Variants in CWC27 observed in about 807,000 individuals in gnomAD.
CWC27 encodes spliceosome-associated protein CWC27 homolog.
In CWC27, 47 loss-of-function variants were observed where a neutral mutation model predicts 63.6. The ratio of observed to expected loss-of-function variants is 0.74; its 90% confidence interval spans 0.58 to 0.94. The LOEUF is 0.94. CWC27 is among the 40% of genes least tolerant of loss of function. The pLI, the probability that CWC27 is intolerant of heterozygous loss-of-function variation, is 0.00. For synonymous variants in CWC27, 175 were observed against 179.8 expected (o/e 0.97, Z 0.22); for missense variants, 495 against 554.3 (o/e 0.89, Z 1.07).
chr5:64,989,519 T>A (rs770974046), intron 13 of CWC27, among the ~76,000 whole-genome samples: 32 of 152,384 alleles, frequency 2.1e-4, no homozygotes, highest in Non-Finnish European at 4.1e-4. Flanking sequence ...TGCCTTGATA[T>A]GGTTCACCAG....
intron 13 of CWC27, among the ~76,000 whole-genome samples, chr5:64,985,236 T>C (rs752202949): frequency 1.3e-5 from 2 of 152,232 alleles, no homozygotes; most frequent in African/African-American, 2.4e-5. Context: ...TTTTCAAAAT[T>C]GCTTTGGCTA....
intron 11 of CWC27, among the ~76,000 whole-genome samples, chr5:64,968,419 A>G (rs1391829770): frequency 6.6e-6 from 1 of 152,142 alleles, no homozygotes; most frequent in Non-Finnish European, 1.5e-5. Flanking sequence ...ATGTTTGCAA[A>G]CAAACTTGTG....
intron 11 of CWC27, among the ~76,000 whole-genome samples, chr5:64,970,442 G>C (rs1311212820): frequency 6.6e-6 from 1 of 152,000 alleles, no homozygotes; most frequent in East Asian, 1.9e-4. Flanking sequence ...TCGATCTTCT[G>C]ACCTCGTGAT....
At chr5:64,797,791 A>G (rs1260217471) in intron 7 of CWC27, among the ~76,000 whole-genome samples, 1 of 152,214 alleles carries the variant, frequency 6.6e-6, no homozygotes, top group Admixed American at 6.5e-5. Context: ...TTAAAAATAT[A>G]TTAACAATGA....
intron 10 of CWC27, among the ~76,000 whole-genome samples, chr5:64,810,790 T>C (rs1744854949): frequency 6.6e-6 from 1 of 152,094 alleles, no homozygotes; most frequent in South Asian, 2.1e-4. Context: ...TTCTGAGGTA[T>C]AGAATAATGT....
intron 13 of CWC27, among the ~76,000 whole-genome samples, chr5:65,001,612 T>C (rs1749733385): frequency 6.6e-6 from 1 of 152,166 alleles, no homozygotes; most frequent in Non-Finnish European, 1.5e-5. Context: ...TAATGTGATG[T>C]ATTACATTTA....
At chr5:64,969,948 G>A (rs180958444) in intron 11 of CWC27, among the ~76,000 whole-genome samples, 127 of 152,302 alleles carry the variant, frequency 8.3e-4, no homozygotes, top group African/African-American at 1.9e-3. Context: ...AAAAGCATGT[G>A]CAAAGGCGGA....
intron 7 of CWC27, among the ~76,000 whole-genome samples, chr5:64,799,089 A>G (rs1304144598): frequency 2.0e-5 from 3 of 152,216 alleles, no homozygotes; most frequent in Non-Finnish European, 4.4e-5. Flanking sequence ...TTTTCGATAT[A>G]TGGGTACTAT....
intron 11 of CWC27, among the ~76,000 whole-genome samples, chr5:64,898,151 G>A (rs1310128751): frequency 6.6e-6 from 1 of 152,198 alleles, no homozygotes; most frequent in Non-Finnish European, 1.5e-5. Flanking sequence ...AAAATTTTCA[G>A]AGGATTGTTT....
At chr5:65,015,367 G>C (rs909326674) in intron 13 of CWC27, among the ~76,000 whole-genome samples, 1 of 152,154 alleles carries the variant, frequency 6.6e-6, no homozygotes, top group African/African-American at 2.4e-5. Flanking sequence ...TATATGAAGA[G>C]GTATTAATAA....
intron 11 of CWC27, among the ~76,000 whole-genome samples, chr5:64,940,559 G>A (rs962476893): frequency 6.6e-6 from 1 of 152,106 alleles, no homozygotes; most frequent in Non-Finnish European, 1.5e-5. Context: ...TTCCTATTCA[G>A]CCATCTTGCC....
Position 64,774,708 on chromosome 5 carries a change from A to C in CWC27, c.60A>C (p.Thr20=). Residue 20 remains threonine (T), a synonymous_variant, in exon 2 of 14, where the codon ACA becomes ACC. Coordinates refer to ENST00000381070, the MANE Select transcript of CWC27 (RefSeq NM_005869.4). ...TTCTACAGGTTTTATTGAAAACTAC[A>C]GCTGGAGATATTGACATAGAGTTGT... The part of the protein sequence containing the change: ...PTNGKVLLKT[T]AGDIDIELWS... 5 of 1,587,966 alleles carry C rather than the reference A, an allele frequency of 3.1e-6. No individual in the cohort carries two copies. The South Asian group carries it at 5.8e-5, about 18-fold the overall frequency.
At chr5:64,968,405 A>G (rs551212157) in intron 11 of CWC27, among the ~76,000 whole-genome samples, 1 of 152,132 alleles carries the variant, frequency 6.6e-6, no homozygotes, top group Admixed American at 6.5e-5. Flanking sequence ...AGAAATGAAA[A>G]TATATGTTTG....
At chr5:65,008,564 G>A (rs1580779783) in intron 13 of CWC27, among the ~76,000 whole-genome samples, 1 of 152,308 alleles carries the variant, frequency 6.6e-6, no homozygotes, top group South Asian at 2.1e-4. Flanking sequence ...GAAAAAAGAA[G>A]AAAGTGCTAG....
At chr5:64,770,886 G>T (rs904392074) in intron 1 of CWC27, among the ~76,000 whole-genome samples, 3 of 152,126 alleles carry the variant, frequency 2.0e-5, no homozygotes, top group Non-Finnish European at 4.4e-5. Context: ...GCTTTAACAA[G>T]GATACATTCC....
chr5:64,988,421 C>A (rs1415156722), intron 13 of CWC27, among the ~76,000 whole-genome samples: 2 of 151,974 alleles, frequency 1.3e-5, no homozygotes, highest in Admixed American at 1.3e-4. Flanking sequence ...TTATTTAAAT[C>A]CTATGAAAAA....
intron 11 of CWC27, among the ~76,000 whole-genome samples, chr5:64,906,854 G>A (rs1480155210): frequency 6.6e-6 from 1 of 152,166 alleles, no homozygotes; most frequent in Admixed American, 6.6e-5. Flanking sequence ...TGTATAAGGT[G>A]TAAGGAAGAG....
intron 10 of CWC27, among the ~76,000 whole-genome samples, chr5:64,857,377 G>A (rs1746280848): frequency 6.6e-6 from 1 of 152,174 alleles, no homozygotes; most frequent in African/African-American, 2.4e-5. Flanking sequence ...GCATAAAAAA[G>A]TGGACTCCTG....
intron 10 of CWC27, chr5:64,845,069 T>C (rs6898440): frequency 2.2e-4 from 102 of 455,998 alleles, no homozygotes; most frequent in Middle Eastern, 6.5e-4. Context: ...CTCTGCCTAA[T>C]AGCAGAGCCC....
Sources: gnomAD v4.1 joint callset for allele counts (sites outside exome capture counted in the v4.1 genomes callset) on GRCh38, gnomAD v4.1.1 for gene constraint, MANE v1.5 for transcripts, NCBI Gene and HGNC (gene_info 2026-07-23, HGNC 2026-07-21) for gene names.